Variants in PTPRG observed in about 807,000 individuals in gnomAD.
The protein encoded by PTPRG is receptor-type tyrosine-protein phosphatase gamma.
In PTPRG, 102 loss-of-function variants were observed where a neutral mutation model predicts 165.3. The ratio of observed to expected loss-of-function variants is 0.62; its 90% CI spans 0.53 to 0.73. PTPRG has a LOEUF of 0.73. PTPRG is among the 30% of genes least tolerant of loss of function. The probability of loss-of-function intolerance (pLI) is 0.00; values close to 1 mark genes in which losing one functional copy is unlikely to be tolerated. For synonymous variants in PTPRG, 675 were observed against 669.5 expected, an observed-to-expected ratio of 1.01 and a Z score of -0.13; for missense variants, 1,866 against 1,861.4, an observed-to-expected ratio of 1.00 and a Z score of -0.05.
rs2032459580 is a variant in PTPRG, at chr3:61,730,764, C to G, written c.86-18114C>G. ...TTGGGCACCTCCAGGAGTGCCTAGA[C>G]TTCTTAGAAAGTTTGCTTTTGTTCA... On this transcript the variant is annotated intron_variant, in intron 1 of 29. Coordinates refer to ENST00000474889, the MANE Select transcript of PTPRG (RefSeq NM_002841.4). Among the ~76,000 whole-genome samples, 3 of 152,166 alleles carry G rather than the reference C, an allele frequency of 2.0e-5. 1 individual carries two copies. Among genetic ancestry groups the G allele is most frequent in the Admixed American group, 2.0e-4 (3 of 15,270 alleles).
At chr3:61,632,055 A>C (rs1350044345) in intron 1 of PTPRG, among the ~76,000 whole-genome samples, 1 of 152,180 alleles carries the variant, frequency 6.6e-6, no homozygotes, top group African/African-American at 2.4e-5. Context: ...CTATAATCCT[A>C]ACACTTTGGG....
intron 9 of PTPRG, among the ~76,000 whole-genome samples, chr3:62,191,862 T>A (rs1699833113): frequency 6.6e-6 from 1 of 152,180 alleles, no homozygotes; most frequent in South Asian, 2.1e-4. Context: ...GACCTTAGAC[T>A]TAACAGCTAT....
At chr3:62,132,559 A>T (rs1703555454) in intron 5 of PTPRG, 43 bp from the exon 6 acceptor site, 2 of 1,461,610 alleles carry the variant, frequency 1.4e-6, no homozygotes. Flanking sequence ...GTTGTGCCTG[A>T]TGCCAGAATA....
chr3:62,156,434 C>T lies in PTPRG; in HGVS notation c.683-633C>T, dbSNP rs993086299. Reference sequence around the variant, plus strand: ...ATTTCTTCTGTTTAAGGGAAGATACCGCCACATTTGTAAAAAGAATGCTGG... The same window carrying T: ...ATTTCTTCTGTTTAAGGGAAGATACTGCCACATTTGTAAAAAGAATGCTGG... On this transcript the variant is annotated intron_variant, in intron 6 of 29. Transcript: ENST00000474889. Among the ~76,000 whole-genome samples, 7 of 152,098 alleles carry T rather than the reference C, an allele frequency of 4.6e-5. No individual in the cohort carries two copies. In the East Asian group the frequency reaches 5.8e-4, roughly 13 times the overall value.
intron 1 of PTPRG, among the ~76,000 whole-genome samples, chr3:61,617,774 CTG>C (rs1575540982): frequency 6.6e-6 from 1 of 151,682 alleles, no homozygotes; most frequent in Non-Finnish European, 1.5e-5. Context: ...CTCTTTACTT[CTG>C]TGAGTTAAAG....
At chr3:62,148,221 G>A (rs755024890) in intron 6 of PTPRG, among the ~76,000 whole-genome samples, 1 of 152,128 alleles carries the variant, frequency 6.6e-6, no homozygotes, top group Non-Finnish European at 1.5e-5. Context: ...AGACATGAAG[G>A]ATGAAAAGGC....
intron 1 of PTPRG, among the ~76,000 whole-genome samples, chr3:61,656,393 A>G (rs1289879471): frequency 6.6e-6 from 1 of 152,186 alleles, no homozygotes; most frequent in Non-Finnish European, 1.5e-5. Flanking sequence ...CCCAATTTAC[A>G]TATGAATAGT....
At chr3:61,570,620 A>G (rs904426309) in intron 1 of PTPRG, among the ~76,000 whole-genome samples, 2 of 152,162 alleles carry the variant, frequency 1.3e-5, no homozygotes, top group Non-Finnish European at 2.9e-5. Flanking sequence ...TGAATCCTGC[A>G]GTGCACTTAA....
intron 28 of PTPRG, among the ~76,000 whole-genome samples, chr3:62,291,556 C>A (rs957860899): frequency 3.3e-5 from 5 of 151,926 alleles, no homozygotes; most frequent in Non-Finnish European, 7.4e-5. Flanking sequence ...GGACTCTGGT[C>A]TTATTTGTAT....
chr3:62,125,844 A>G (rs1576034564), intron 5 of PTPRG, among the ~76,000 whole-genome samples: 1 of 152,200 alleles, frequency 6.6e-6, no homozygotes. Context: ...CAGGGGTGGG[A>G]CAGACAGGTT....
At chr3:62,202,931 T>C (rs1700129338) in intron 11 of PTPRG, among the ~76,000 whole-genome samples, 2 of 152,208 alleles carry the variant, frequency 1.3e-5, no homozygotes, top group South Asian at 4.1e-4. Flanking sequence ...AAAGCTGAGT[T>C]TGATCGACTA....
intron 2 of PTPRG, among the ~76,000 whole-genome samples, chr3:61,871,282 C>T (rs2037575507): frequency 6.6e-6 from 1 of 151,968 alleles, no homozygotes; most frequent in South Asian, 2.1e-4. Context: ...GGCTGGAGTG[C>T]AGTGGCACAG....
At chr3:61,871,765 A>AT (rs1399421295) in intron 2 of PTPRG, among the ~76,000 whole-genome samples, 3 of 152,314 alleles carry the variant, frequency 2.0e-5, no homozygotes, top group Non-Finnish European at 4.4e-5. Context: ...AGGACCTGGA[A>AT]ATCACAAGGC....
intron 1 of PTPRG, among the ~76,000 whole-genome samples, chr3:61,570,682 A>G (rs1700034990): frequency 6.6e-6 from 1 of 152,208 alleles, no homozygotes. Context: ...ACACAGCCAT[A>G]AGCAATTGAC....
At chr3:62,223,841 T>C (rs948548399) in intron 13 of PTPRG, among the ~76,000 whole-genome samples, 4 of 152,216 alleles carry the variant, frequency 2.6e-5, no homozygotes, top group Non-Finnish European at 5.9e-5. Flanking sequence ...TGTCATCACA[T>C]TGTATAGCTG....
At position 62,228,522 on chromosome 3, in the gene PTPRG, A is replaced by AAAAGAAAG. The variant is rs1454450692; in HGVS notation, c.2289-2695_2289-2688dup. 6.6e-6 allele frequency among the ~76,000 whole-genome samples: 1 copy of AAAAGAAAG among 151,992 alleles called. No homozygotes were observed. Among genetic ancestry groups the AAAAGAAAG allele is most frequent in the African/African-American group, 2.4e-5 (1 of 41,388 alleles). On this transcript the variant is annotated intron_variant, in intron 13 of 29. Coordinates refer to ENST00000474889, the MANE Select transcript of PTPRG (RefSeq NM_002841.4). The surrounding 1 kb of genome is among the most constrained non-coding windows in gnomAD (Gnocchi z 4.1). Reference sequence around the variant, plus strand: ...GAGCAAAACTCCATCTCAAAAAAAAAAAAGAAAGAAAGAAAAAAGAAAAAG... The same window carrying AAAAGAAAG: ...GAGCAAAACTCCATCTCAAAAAAAAAAAAGAAAGAAAGAAAGAAAGAAAAAAGAAAAAG...
intron 16 of PTPRG, among the ~76,000 whole-genome samples, chr3:62,258,052 G>C (rs1260879582): frequency 6.6e-6 from 1 of 152,086 alleles, no homozygotes; most frequent in Non-Finnish European, 1.5e-5. Context: ...GACTAGAAAT[G>C]ATCATGCCTC....
intron 12 of PTPRG, among the ~76,000 whole-genome samples, chr3:62,206,912 C>CAAAAAAAAAAAAAAAAAAAAA (rs556974355): frequency 8.0e-5 from 3 of 37,318 alleles, no homozygotes; most frequent in African/African-American, 2.1e-4. Flanking sequence ...GACTCTGTCT[C>CAAAAAAAAAAAAAAAAAAAAA]AAAAAAAAAA....
intron 24 of PTPRG, chr3:62,276,735 T>C (rs1702243477): frequency 4.0e-6 from 2 of 498,224 alleles, no homozygotes; most frequent in South Asian, 3.2e-5. Context: ...TGTAAAAATC[T>C]CTCCCACAGT....
Sources: allele counts gnomAD v4.1 joint callset (sites outside exome capture counted in the v4.1 genomes callset), GRCh38; gene constraint gnomAD v4.1.1; non-coding constraint Gnocchi (gnomAD v3.1); transcripts MANE v1.5; gene names NCBI Gene and HGNC (gene_info 2026-07-23, HGNC 2026-07-21).